The following RARS2 variants were observed in gnomAD, a reference collection of about 807,000 sequenced individuals.
The protein encoded by RARS2 is arginyl-tRNA synthetase 2, mitochondrial, also known as probable arginine--tRNA ligase, mitochondrial.
RARS2 carries 67 observed loss-of-function variants against 88.5 expected under a neutral mutation model. The observed-to-expected ratio is 0.76, with a 90% CI of 0.62 to 0.93. RARS2 has a LOEUF of 0.93. Among genes scored for constraint, RARS2 ranks in the 40% least tolerant of loss-of-function variants. The pLI, the probability that RARS2 is intolerant of heterozygous loss-of-function variation, is 0.00. For missense variants in RARS2, 664 were observed against 684.2 expected, an observed-to-expected ratio of 0.97 and a Z score of 0.33; for synonymous variants, 239 against 230.3, an observed-to-expected ratio of 1.04 and a Z score of -0.34.
intron 2 of RARS2, among the ~76,000 whole-genome samples, chr6:87,568,000 T>C (rs1468140411): frequency 6.6e-6 from 1 of 152,128 alleles, no homozygotes; most frequent in Non-Finnish European, 1.5e-5. Flanking sequence ...CTCCATCTCC[T>C]GACCTCACGA....
In RARS2 at chr6:87,557,616, C is replaced by T. The variant is rs76154894; in HGVS notation, c.298-2111G>A. On this transcript the variant is annotated intron_variant, in intron 4 of 19. Transcript: ENST00000369536. The stretch of plus-strand genomic sequence containing the variant: ...TTTAAAATAAGGCTGAAGTCCCTTT[C>T]GATCATCTGTCCTTATCCTAATTCC... 2.1e-3 allele frequency among the ~76,000 whole-genome samples: 313 copies of T among 152,310 alleles called. 6 individuals carry two copies. The East Asian group carries it at 0.057, about 28-fold the overall frequency.
intron 8 of RARS2, among the ~76,000 whole-genome samples, chr6:87,534,146 TG>T (rs1778430066): frequency 1.3e-5 from 2 of 152,144 alleles, no homozygotes; most frequent in African/African-American, 4.8e-5. Flanking sequence ...ATTCCGAACA[TG>T]AAATGAAAAA....
At chr6:87,532,176 T>G (rs897158625) in intron 8 of RARS2, among the ~76,000 whole-genome samples, 2 of 152,182 alleles carry the variant, frequency 1.3e-5, no homozygotes, top group Non-Finnish European at 2.9e-5. Flanking sequence ...AATGACAGAC[T>G]TAAATAAATA....
chr6:87,572,055 G>C (rs546251219), intron 1 of RARS2, among the ~76,000 whole-genome samples: 1 of 145,234 alleles, frequency 6.9e-6, no homozygotes, highest in African/African-American at 2.6e-5. Flanking sequence ...AATGTTTCTA[G>C]AACAGAAACA....
intron 1 of RARS2, among the ~76,000 whole-genome samples, chr6:87,587,951 T>C (rs1410358157): frequency 6.6e-6 from 1 of 152,104 alleles, no homozygotes; most frequent in South Asian, 2.1e-4. Context: ...TTTTTATTTC[T>C]TTATAGAGAT....
At chr6:87,589,588 GTGTA>G in intron 1 of RARS2, 1 of 842,812 alleles carries the variant, frequency 1.2e-6, no homozygotes, top group Non-Finnish European at 1.4e-6. Context: ...TGTCACTAAA[GTGTA>G]AAGAACACTA....
intron 1 of RARS2, among the ~76,000 whole-genome samples, chr6:87,586,107 TG>T (rs1775072326): frequency 6.6e-6 from 1 of 152,038 alleles, no homozygotes; most frequent in Non-Finnish European, 1.5e-5. Context: ...TCTTGATACA[TG>T]GAGAATGAAC....
chr6:87,562,589 G>A (rs756773375), intron 4 of RARS2, 113 bp downstream of exon 4: 19 of 767,254 alleles, frequency 2.5e-5, no homozygotes, highest in Non-Finnish European at 4.4e-5. Context: ...ATCAGTATGT[G>A]CAAAGGTTTT....
At position 87,568,459 on chromosome 6, in the gene RARS2, C is replaced by T. The variant is rs138096254; in HGVS notation, c.110+1058G>A. Among the ~76,000 whole-genome samples the T allele has an allele frequency of 5.7e-4, 87 of 152,320 alleles. 1 individual carries two copies. Among genetic ancestry groups the T allele is most frequent in the Non-Finnish European group, 1.1e-3 (72 of 68,022 alleles). On this transcript the variant is annotated intron_variant, in intron 2 of 19. Coordinates refer to ENST00000369536, the MANE Select transcript of RARS2 (RefSeq NM_020320.5). ...AGGCAGCAGTGAGCCGAGATCACAC[C>T]ACTGCCCTCCAGCTTGGGTGACAGA... is the stretch of plus-strand genomic sequence containing the variant.
chr6:87,520,540 C>A (rs1447578252), intron 12 of RARS2, among the ~76,000 whole-genome samples: 1 of 151,954 alleles, frequency 6.6e-6, no homozygotes, highest in Non-Finnish European at 1.5e-5. Context: ...GCTATTATGA[C>A]CCTGGTCTCT....
intron 8 of RARS2, among the ~76,000 whole-genome samples, chr6:87,534,009 C>T (rs1053863834): frequency 6.6e-6 from 1 of 152,076 alleles, no homozygotes; most frequent in Admixed American, 6.6e-5. Context: ...TTTATGTCAT[C>T]TTAAAATGCA....
In RARS2 at chr6:87,513,998, C is replaced by G. The variant is rs17504209; in HGVS notation, c.*415G>C. 6.6e-6 allele frequency among the ~76,000 whole-genome samples: 1 copy of G among 152,100 alleles called. No homozygotes were observed. Among genetic ancestry groups the G allele is most frequent in the East Asian group, 1.9e-4 (1 of 5,196 alleles). On this transcript the variant is annotated 3_prime_UTR_variant, in exon 20 of 20. Coordinates refer to ENST00000369536, the MANE Select transcript of RARS2 (RefSeq NM_020320.5). ...ATAACTTGACAAGTCACATTTAATA[C>G]AGATTCTGACACAGAATAATAGTTT...
In RARS2 at chr6:87,518,224, T is replaced by C; in HGVS notation, c.1456A>G (p.Asn486Asp). The part of the protein sequence containing the change: ...TFGCGYLNDF[N>D]TACLQEPQSV... ...TGTGGCTCTTGTAAACAAGCAGTGTTGAAGTCATTCAGGTACCCACATCCA... is the reference window on the plus strand; with the variant it reads ...TGTGGCTCTTGTAAACAAGCAGTGTCGAAGTCATTCAGGTACCCACATCCA... Residue 486 changes from asparagine (N) to aspartate (D), a missense_variant, in exon 17 of 20, where the codon AAC (asparagine) becomes GAC (aspartate). Transcript: ENST00000369536. The C allele has an allele frequency of 6.2e-7, 1 of 1,614,166 alleles. No individual in the cohort carries two copies. Among genetic ancestry groups the C allele is most frequent in the Non-Finnish European group, 8.5e-7 (1 of 1,180,020 alleles).
chr6:87,579,368 G>C (rs888875100), intron 1 of RARS2, among the ~76,000 whole-genome samples: 2 of 152,168 alleles, frequency 1.3e-5, no homozygotes, highest in Non-Finnish European at 2.9e-5. Context: ...AGAGACCACT[G>C]TACTACACCT....
At chr6:87,514,914 T>G (rs761079265) in intron 19 of RARS2, 43 bp downstream of exon 19, 1 of 1,494,436 alleles carries the variant, frequency 6.7e-7, no homozygotes, top group Non-Finnish European at 9.3e-7. Flanking sequence ...AATATTAGTC[T>G]CAGGAGCTAG....
In RARS2 at chr6:87,529,644, A is replaced by G; in HGVS notation, c.776T>C (p.Leu259Pro). The change falls in exon 10 of 20, where the codon CTG (leucine) becomes CCG (proline). Residue 259 changes from leucine to proline, a missense_variant. Coordinates refer to ENST00000369536, the MANE Select transcript of RARS2 (RefSeq NM_020320.5). Reference sequence around the variant, plus strand: ...TGAATATTCATCAAAATATACTCCCAGACGCTAAAAGAGTTCAGAAACAAA... The same window carrying G: ...TGAATATTCATCAAAATATACTCCCGGACGCTAAAAGAGTTCAGAAACAAA... ...IEEYIRVYKRLGVYFDEYSGE... is the reference protein window; with the variant it reads ...IEEYIRVYKRPGVYFDEYSGE... The G allele has an allele frequency of 6.3e-7, 1 of 1,589,118 alleles. No individual in the cohort carries two copies. Among genetic ancestry groups the G allele is most frequent in the Non-Finnish European group, 8.6e-7 (1 of 1,157,328 alleles).
intron 2 of RARS2, 145 bp downstream of exon 2, chr6:87,569,372 T>C (rs1768902875): frequency 1.5e-6 from 1 of 657,630 alleles, no homozygotes. Context: ...ACAGGAGTAA[T>C]AGGCTGAGTA....
chr6:87,557,750 C>G (rs1473188995), intron 4 of RARS2, among the ~76,000 whole-genome samples: 1 of 152,198 alleles, frequency 6.6e-6, no homozygotes, highest in Non-Finnish European at 1.5e-5. Flanking sequence ...AATTCTCTCT[C>G]AACTTTTGCT....
chr6:87,554,291 T>C (rs544485935), intron 5 of RARS2, among the ~76,000 whole-genome samples: 30 of 152,180 alleles, frequency 2.0e-4, no homozygotes, highest in Non-Finnish European at 3.2e-4. Flanking sequence ...CTTTTCTCTC[T>C]TGGTTACCTC....
Sources: allele counts gnomAD v4.1 joint callset (sites outside exome capture counted in the v4.1 genomes callset), GRCh38; gene constraint gnomAD v4.1.1; transcripts MANE v1.5; gene names NCBI Gene and HGNC (gene_info 2026-07-23, HGNC 2026-07-21).